RYR2: variants seen among roughly 807,000 people sequenced by gnomAD.
RYR2 encodes the protein ryanodine receptor 2.
A neutral mutation model predicts 601.1 loss-of-function variants in RYR2; 227 were observed. That is an observed-to-expected ratio of 0.38 (90% CI 0.34 to 0.42). The LOEUF is 0.42. RYR2 is among the 10% of genes least tolerant of loss of function. RYR2 has a pLI of 1.00. For synonymous variants in RYR2, 2,223 were observed against 2,175.1 expected (o/e 1.02, Z -0.61); for missense variants, 4,646 against 6,156.5 (o/e 0.75, Z 8.21).
intron 1 of RYR2, among the ~76,000 whole-genome samples, chr1:237,232,176 G>A (rs537961484): frequency 6.6e-6 from 1 of 152,086 alleles, no homozygotes; most frequent in African/African-American, 2.4e-5. Context: ...ACTGATTGAT[G>A]GCTTGCAGAA....
chr1:237,645,023 A>G (rs917472505), intron 48 of RYR2, among the ~76,000 whole-genome samples: 3 of 152,202 alleles, frequency 2.0e-5, no homozygotes, highest in Middle Eastern at 3.2e-3. Flanking sequence ...TGAAAGAGCG[A>G]AACTCTGTCT....
At chr1:237,482,060 A>G (rs1004345635) in intron 17 of RYR2, among the ~76,000 whole-genome samples, 1 of 152,178 alleles carries the variant, frequency 6.6e-6, no homozygotes, top group Non-Finnish European at 1.5e-5. Flanking sequence ...TTTTATGAGT[A>G]CATAGTAGGT....
intron 1 of RYR2, among the ~76,000 whole-genome samples, chr1:237,073,789 T>G (rs924191593): frequency 1.4e-5 from 2 of 147,266 alleles, no homozygotes; most frequent in Admixed American, 1.4e-4. Context: ...GAGAATCGCT[T>G]AAACTTGGGA....
At chr1:237,388,039 G>A in intron 9 of RYR2, 48 bp from the exon 10 acceptor site, 1 of 1,512,946 alleles carries the variant, frequency 6.6e-7, no homozygotes, top group Non-Finnish European at 9.1e-7. Flanking sequence ...CTGGCTATCA[G>A]CACCTGACAC....
intron 42 of RYR2, 29 bp downstream of exon 42, chr1:237,631,570 T>A: frequency 7.5e-7 from 1 of 1,340,544 alleles, no homozygotes; most frequent in Non-Finnish European, 1.1e-6. Context: ...GAGATGCTAT[T>A]TAGTATCATC....
chr1:237,192,376 A>AT (rs956041981), intron 1 of RYR2, among the ~76,000 whole-genome samples: 74 of 148,162 alleles, frequency 5.0e-4, no homozygotes, highest in Middle Eastern at 7.0e-3. Context: ...CGCCCGGCTA[A>AT]TTTTTTTTTT....
At chr1:237,173,254 T>A (rs894117373) in intron 1 of RYR2, among the ~76,000 whole-genome samples, 9 of 151,984 alleles carry the variant, frequency 5.9e-5, no homozygotes, top group Admixed American at 5.9e-4. Flanking sequence ...AAGAACCCAG[T>A]AGTTGTGTGT....
intron 1 of RYR2, among the ~76,000 whole-genome samples, chr1:237,236,683 T>C (rs1685579942): frequency 6.6e-6 from 1 of 152,170 alleles, no homozygotes; most frequent in Non-Finnish European, 1.5e-5. Flanking sequence ...CTTTGGGCAG[T>C]CAGCAAGAGA....
At chr1:237,332,079 A>T (rs1407562499) in intron 3 of RYR2, among the ~76,000 whole-genome samples, 1 of 152,110 alleles carries the variant, frequency 6.6e-6, no homozygotes, top group African/African-American at 2.4e-5. Flanking sequence ...TGAAAATTTT[A>T]TTTTGCCATT....
chr1:237,059,942 C>T (rs921833322), intron 1 of RYR2, among the ~76,000 whole-genome samples: 10 of 152,094 alleles, frequency 6.6e-5, no homozygotes, highest in African/African-American at 1.4e-4. Flanking sequence ...ATACTTAAAG[C>T]GTTCTTCTTC....
chr1:237,568,399 G>A (rs1039366644), intron 28 of RYR2, among the ~76,000 whole-genome samples: 2 of 152,102 alleles, frequency 1.3e-5, no homozygotes, highest in Admixed American at 6.5e-5. Flanking sequence ...CATAACTCAG[G>A]TGTGCTTATG....
chr1:237,599,680 G>A (rs906026398), intron 34 of RYR2, among the ~76,000 whole-genome samples: 7 of 151,838 alleles, frequency 4.6e-5, no homozygotes, highest in African/African-American at 1.2e-4. Flanking sequence ...AAAATTAGCC[G>A]GGCATGGTGG....
At position 237,684,897 on chromosome 1, in the gene RYR2, AG is replaced by A. The variant is rs1686234222; in HGVS notation, c.9018-2556del. ...TTACATTTACAGGGTTTTTGGAAAT[AG>A]GTCTTTGAAGAACATCAAGAATGGT... On this transcript the variant is annotated intron_variant, in intron 62 of 104. Coordinates refer to ENST00000366574, the MANE Select transcript of RYR2 (RefSeq NM_001035.3). 5.3e-5 allele frequency among the ~76,000 whole-genome samples: 8 copies of A among 150,192 alleles called. No homozygotes were observed. The South Asian group carries it at 1.7e-3, about 32-fold the overall frequency.
chr1:237,474,274 CACACACACACATATATATATAT>C (rs1461275329), intron 17 of RYR2, among the ~76,000 whole-genome samples: 37 of 68,038 alleles, frequency 5.4e-4, no homozygotes, highest in Admixed American at 6.7e-4. Flanking sequence ...TACCTACACA[CACACACACACATATATATATAT>C]ACACACACAC....
chr1:237,754,960 C>T, intron 80 of RYR2: 1 of 504,570 alleles, frequency 2.0e-6, no homozygotes, highest in Non-Finnish European at 3.1e-6. Context: ...TTCTCTGCTT[C>T]CATTTAGGCC....
intron 1 of RYR2, among the ~76,000 whole-genome samples, chr1:237,099,480 C>T (rs981499400): frequency 6.6e-6 from 1 of 152,164 alleles, no homozygotes; most frequent in African/African-American, 2.4e-5. Context: ...CCAAGCGATC[C>T]TCCCACCTTG....
At chr1:237,161,529 A>G (rs1676017646) in intron 1 of RYR2, among the ~76,000 whole-genome samples, 1 of 148,672 alleles carries the variant, frequency 6.7e-6, no homozygotes, top group African/African-American at 2.6e-5. Context: ...CATAAGGGAT[A>G]TATAATTTAT....
intron 1 of RYR2, among the ~76,000 whole-genome samples, chr1:237,083,959 G>C (rs1248665264): frequency 6.6e-6 from 1 of 152,170 alleles, no homozygotes; most frequent in Non-Finnish European, 1.5e-5. Context: ...GTGGACACAC[G>C]TGGCATATGG....
chr1:237,159,680 T>C (rs1675796196), intron 1 of RYR2, among the ~76,000 whole-genome samples: 1 of 152,122 alleles, frequency 6.6e-6, no homozygotes, highest in Non-Finnish European at 1.5e-5. Context: ...CAACTACTAC[T>C]AGTAGTACTA....
Sources: allele counts gnomAD v4.1 joint callset (sites outside exome capture counted in the v4.1 genomes callset), GRCh38; gene constraint gnomAD v4.1.1; transcripts MANE v1.5; gene names NCBI Gene and HGNC (gene_info 2026-07-23, HGNC 2026-07-21).